The following ARID1B variants were observed in gnomAD, a reference collection of about 807,000 sequenced individuals.
ARID1B encodes the protein AT-rich interaction domain 1B, also known as AT-rich interactive domain-containing protein 1B.
ARID1B carries 30 observed loss-of-function variants against 212.3 expected under a neutral mutation model. That is an observed-to-expected ratio of 0.14 (90% confidence interval 0.11 to 0.19). ARID1B has a LOEUF of 0.19. ARID1B is among the 10% of genes least tolerant of loss of function. The pLI is 1.00. For synonymous variants in ARID1B, 1,402 were observed against 1,301.7 expected (o/e 1.08, Z -1.66); for missense variants, 2,891 against 3,204.0 (o/e 0.90, Z 2.36).
chr6:156,790,515 C>A (rs1387875271), intron 1 of ARID1B, among the ~76,000 whole-genome samples: 5 of 152,184 alleles, frequency 3.3e-5, no homozygotes, highest in African/African-American at 1.2e-4. Flanking sequence ...GTCTGGCAGA[C>A]AATTTCCAAA....
At chr6:156,926,658 T>C (rs1022352947) in intron 3 of ARID1B, among the ~76,000 whole-genome samples, 1 of 152,274 alleles carries the variant, frequency 6.6e-6, no homozygotes, top group East Asian at 1.9e-4. Flanking sequence ...GTATCCCCTG[T>C]CCCTTTTATT....
At chr6:156,858,728 C>A (rs1785116657) in intron 2 of ARID1B, among the ~76,000 whole-genome samples, 1 of 152,138 alleles carries the variant, frequency 6.6e-6, no homozygotes. Flanking sequence ...AAGATCCCAC[C>A]ATTGCACTCC....
At chr6:156,784,771 T>G (rs936145297) in intron 1 of ARID1B, among the ~76,000 whole-genome samples, 2 of 152,222 alleles carry the variant, frequency 1.3e-5, no homozygotes, top group African/African-American at 2.4e-5. Flanking sequence ...TATTTGTTTT[T>G]CTTTTTGAGA....
chr6:156,800,487 G>A (rs112912278), intron 1 of ARID1B, among the ~76,000 whole-genome samples: 3,088 of 152,222 alleles, frequency 0.02, 38 homozygotes, highest in Non-Finnish European at 0.029. Flanking sequence ...TATTTGGGAG[G>A]TTGAATGAGG....
At chr6:157,166,533 GT>G (rs1288311729) in intron 8 of ARID1B, 1 of 152,308 alleles carries the variant, frequency 6.6e-6, no homozygotes, top group African/African-American at 2.4e-5. Context: ...AAGTTAAAGA[GT>G]AGGGTCGGGG....
intron 9 of ARID1B, chr6:157,169,752 C>T (rs775983960): frequency 6.6e-5 from 10 of 152,252 alleles, no homozygotes; most frequent in Non-Finnish European, 1.5e-4. Context: ...CTTTATCTCC[C>T]ATCTGTGGTT....
chr6:157,110,784 A>G (rs777628786), intron 6 of ARID1B: 8 of 582,136 alleles, frequency 1.4e-5, no homozygotes, highest in Non-Finnish European at 2.1e-5. Flanking sequence ...TTCAAGGCCC[A>G]AAGAATGTGT....
At chr6:157,070,124 C>T (rs1192388139) in intron 4 of ARID1B, among the ~76,000 whole-genome samples, 1 of 151,684 alleles carries the variant, frequency 6.6e-6, no homozygotes, top group Non-Finnish European at 1.5e-5. Flanking sequence ...CACTACTGAT[C>T]ATTTTTTTTC....
intron 2 of ARID1B, among the ~76,000 whole-genome samples, chr6:156,890,980 T>C (rs1290592079): frequency 1.3e-5 from 2 of 152,180 alleles, no homozygotes; most frequent in Admixed American, 1.3e-4. Context: ...AAAAGGCACC[T>C]AAGCTGTTTA....
intron 4 of ARID1B, among the ~76,000 whole-genome samples, chr6:157,043,729 A>G (rs188043400): frequency 9.2e-5 from 14 of 152,316 alleles, no homozygotes; most frequent in Admixed American, 2.6e-4. Context: ...ATCTGGGCTA[A>G]TATGTGAGCT....
chr6:156,989,251 A>G (rs185001458), intron 4 of ARID1B, among the ~76,000 whole-genome samples: 2 of 152,356 alleles, frequency 1.3e-5, no homozygotes, highest in East Asian at 3.9e-4. Context: ...CACGTCTTCC[A>G]TGAAACACTG....
At chr6:156,858,516 A>G (rs1048479208) in intron 2 of ARID1B, among the ~76,000 whole-genome samples, 1 of 152,236 alleles carries the variant, frequency 6.6e-6, no homozygotes, top group Non-Finnish European at 1.5e-5. Flanking sequence ...CTGTAATTCT[A>G]GCACTTTGGG....
chr6:157,184,153 T>G (rs1279379278), intron 12 of ARID1B, 78 bp from the exon 13 acceptor site: 1 of 1,335,140 alleles, frequency 7.5e-7, no homozygotes, highest in Non-Finnish European at 1.0e-6. Context: ...AACCAAGACA[T>G]TAAGTGCTTT....
At chr6:156,805,873 C>T (rs1299749651) in intron 1 of ARID1B, among the ~76,000 whole-genome samples, 4 of 151,922 alleles carry the variant, frequency 2.6e-5, no homozygotes, top group African/African-American at 7.3e-5. Flanking sequence ...GATGGAGTCT[C>T]GCTGTGTTGC....
intron 4 of ARID1B, among the ~76,000 whole-genome samples, chr6:157,019,626 TTGTCCATTAAA>T (rs1396068368): frequency 1.3e-5 from 2 of 152,098 alleles, no homozygotes; most frequent in Non-Finnish European, 2.9e-5. Flanking sequence ...AGGGAAGAAC[TTGTCCATTAAA>T]TGTTGGTACT....
intron 11 of ARID1B, among the ~76,000 whole-genome samples, chr6:157,179,099 T>A (rs1317811054): frequency 6.6e-6 from 1 of 152,250 alleles, no homozygotes; most frequent in Non-Finnish European, 1.5e-5. Flanking sequence ...TAGATTATAA[T>A]GCCTTTTTCT....
At chr6:156,790,911 A>C (rs1226433488) in intron 1 of ARID1B, among the ~76,000 whole-genome samples, 1 of 152,214 alleles carries the variant, frequency 6.6e-6, no homozygotes, top group Non-Finnish European at 1.5e-5. Context: ...GGGAAATTGA[A>C]AGGTAAGCAG....
intron 11 of ARID1B, among the ~76,000 whole-genome samples, chr6:157,180,408 T>TA (rs1792426852): frequency 1.3e-5 from 2 of 152,052 alleles, no homozygotes; most frequent in Non-Finnish European, 2.9e-5. Context: ...CACACGAGCT[T>TA]ATAGCCCACA....
chr6:156,880,613 C>A (rs2671290), intron 2 of ARID1B, among the ~76,000 whole-genome samples: 9 of 152,032 alleles, frequency 5.9e-5, no homozygotes, highest in African/African-American at 2.2e-4. Flanking sequence ...GTGGCGCATG[C>A]CTGTAATCCC....
Sources: allele counts gnomAD v4.1 joint callset (sites outside exome capture counted in the v4.1 genomes callset), GRCh38; gene constraint gnomAD v4.1.1; transcripts MANE v1.5; gene names NCBI Gene and HGNC (gene_info 2026-07-23, HGNC 2026-07-21).